The following MARCHF1 variants were observed in gnomAD, a reference collection of about 807,000 sequenced individuals.
MARCHF1 encodes the protein E3 ubiquitin-protein ligase MARCHF1.
In MARCHF1, 40 loss-of-function variants were observed where a neutral mutation model predicts 54.2. The observed-to-expected ratio is 0.74, with a 90% confidence interval of 0.57 to 0.96. The LOEUF (loss-of-function observed/expected upper bound fraction) is 0.96, where lower values mean the gene tolerates loss of function less well. Among genes scored for constraint, MARCHF1 ranks in the 40% least tolerant of loss-of-function variants. MARCHF1 has a pLI of 0.00. For missense variants in MARCHF1, 586 were observed against 656.5 expected (o/e 0.89, Z 1.17); for synonymous variants, 236 against 236.3 (o/e 1.00, Z 0.01).
At chr4:163,719,502 T>C (rs554763985) in intron 4 of MARCHF1, among the ~76,000 whole-genome samples, 1 of 152,302 alleles carries the variant, frequency 6.6e-6, no homozygotes, top group African/African-American at 2.4e-5. Context: ...TGTGTGTGTG[T>C]GTCTTTATAG....
At chr4:163,753,889 G>A (rs1015661287) in intron 4 of MARCHF1, among the ~76,000 whole-genome samples, 2 of 152,112 alleles carry the variant, frequency 1.3e-5, no homozygotes, top group Admixed American at 1.3e-4. Context: ...CAGCAATAGC[G>A]GCAGAAGAGC....
intron 4 of MARCHF1, among the ~76,000 whole-genome samples, chr4:163,786,094 T>C (rs2110921747): frequency 6.6e-6 from 1 of 151,968 alleles, no homozygotes; most frequent in Non-Finnish European, 1.5e-5. Flanking sequence ...TCCCTTAAAA[T>C]CTCCAGAAGG....
intron 1 of MARCHF1, among the ~76,000 whole-genome samples, chr4:164,180,916 G>C (rs568081558): frequency 6.6e-6 from 1 of 152,172 alleles, no homozygotes; most frequent in South Asian, 2.1e-4. Context: ...TTCTCACTAG[G>C]CTACTTAATA....
At chr4:164,224,494 C>T (rs1418407464) in intron 1 of MARCHF1, among the ~76,000 whole-genome samples, 1 of 151,874 alleles carries the variant, frequency 6.6e-6, no homozygotes, top group Non-Finnish European at 1.5e-5. Flanking sequence ...TTTCATCCAT[C>T]TACCTACATC....
At chr4:163,586,892 A>G (rs1262459953) in intron 7 of MARCHF1, among the ~76,000 whole-genome samples, 10 of 152,236 alleles carry the variant, frequency 6.6e-5, no homozygotes, top group Admixed American at 5.9e-4. Flanking sequence ...TTAGCTTGAA[A>G]ATATTACAGA....
chr4:164,182,397 G>A (rs187513074), intron 1 of MARCHF1, among the ~76,000 whole-genome samples: 122 of 151,962 alleles, frequency 8.0e-4, no homozygotes, highest in African/African-American at 2.4e-3. Flanking sequence ...TGTACAGAAT[G>A]CATTTTCTAA....
At chr4:163,557,078 G>A (rs1415641314) in intron 8 of MARCHF1, among the ~76,000 whole-genome samples, 38 of 152,130 alleles carry the variant, frequency 2.5e-4, no homozygotes, top group Admixed American at 2.4e-3. Context: ...ATTTAATAGC[G>A]ATAGCAGGGA....
chr4:164,058,012 C>T (rs1160698126), intron 2 of MARCHF1, among the ~76,000 whole-genome samples: 1 of 152,030 alleles, frequency 6.6e-6, no homozygotes, highest in Non-Finnish European at 1.5e-5. Context: ...CTCAGCAAAC[C>T]ATCACAAGAT....
intron 3 of MARCHF1, among the ~76,000 whole-genome samples, chr4:163,962,842 T>C (rs1188802978): frequency 1.3e-5 from 2 of 151,934 alleles, no homozygotes; most frequent in African/African-American, 4.8e-5. Flanking sequence ...ATTTAGAGCA[T>C]AGAGTTTTAT....
chr4:163,905,200 CTTTAAT>C (rs1318639878), intron 3 of MARCHF1, among the ~76,000 whole-genome samples: 2 of 151,998 alleles, frequency 1.3e-5, no homozygotes, highest in Admixed American at 1.3e-4. Flanking sequence ...CAGTATTATA[CTTTAAT>C]TTTGAGACAA....
At position 163,529,548 on chromosome 4, in the gene MARCHF1, G is replaced by A. The variant is rs1269287126; in HGVS notation, c.1340-502C>T. On this transcript the variant is annotated intron_variant, in intron 9 of 9. Coordinates refer to ENST00000514618, the MANE Select transcript of MARCHF1 (RefSeq NM_001394959.1). ...GAAGGAATGGAAGAAGGGAGATGGG[G>A]AGGAGTAAGAGGGAGGGGAAGGAAA... 2.0e-5 allele frequency among the ~76,000 whole-genome samples: 3 copies of A among 152,012 alleles called. No homozygotes were observed. In the South Asian group the frequency reaches 6.2e-4, roughly 32 times the overall value.
At chr4:164,290,305 C>T (rs1017205244) in intron 1 of MARCHF1, among the ~76,000 whole-genome samples, 9 of 151,978 alleles carry the variant, frequency 5.9e-5, no homozygotes, top group Non-Finnish European at 1.3e-4. Context: ...TCAGAGAGAC[C>T]TGTTAGTTAA....
chr4:164,124,268 C>T (rs2110787958), intron 1 of MARCHF1, among the ~76,000 whole-genome samples: 1 of 152,054 alleles, frequency 6.6e-6, no homozygotes, highest in South Asian at 2.1e-4. Context: ...TATTCAAAGA[C>T]AGTCAATAAC....
At chr4:163,682,734 G>T (rs1012769327) in intron 5 of MARCHF1, among the ~76,000 whole-genome samples, 2 of 152,064 alleles carry the variant, frequency 1.3e-5, no homozygotes, top group African/African-American at 4.8e-5. Context: ...TTTTATAAGG[G>T]GCTTTTCCCC....
At chr4:164,323,044 A>AT (rs1735182984) in intron 1 of MARCHF1, among the ~76,000 whole-genome samples, 6 of 151,970 alleles carry the variant, frequency 3.9e-5, no homozygotes, top group Admixed American at 3.9e-4. Context: ...TAATAGCTAT[A>AT]TATAGAACTT....
chr4:164,107,382 A>G (rs997805883), intron 2 of MARCHF1, among the ~76,000 whole-genome samples: 1 of 152,278 alleles, frequency 6.6e-6, no homozygotes, highest in Non-Finnish European at 1.5e-5. Flanking sequence ...AACTTTTAAG[A>G]CAGAATCTCA....
At chr4:164,116,761 A>C (rs538998411) in intron 1 of MARCHF1, among the ~76,000 whole-genome samples, 32 of 152,202 alleles carry the variant, frequency 2.1e-4, no homozygotes, top group African/African-American at 7.5e-4. Context: ...AATACACAAG[A>C]AACAAATGTG....
chr4:164,297,644 A>G (rs1445342927), intron 1 of MARCHF1, among the ~76,000 whole-genome samples: 3 of 150,640 alleles, frequency 2.0e-5, no homozygotes, highest in Admixed American at 6.6e-5. Flanking sequence ...GTATTAGTGA[A>G]AAAAGTAGTG....
chr4:164,142,178 C>G (rs775520571), intron 1 of MARCHF1, among the ~76,000 whole-genome samples: 1 of 152,212 alleles, frequency 6.6e-6, no homozygotes. Context: ...CCTATGCCCA[C>G]GGAGACTCGC....
Sources: allele counts gnomAD v4.1 joint callset (sites outside exome capture counted in the v4.1 genomes callset), GRCh38; gene constraint gnomAD v4.1.1; transcripts MANE v1.5; gene names NCBI Gene and HGNC (gene_info 2026-07-23, HGNC 2026-07-21).